Variants in GABRB1 observed in about 807,000 individuals in gnomAD.
The protein encoded by GABRB1 is gamma-aminobutyric acid type A receptor subunit beta1, also known as gamma-aminobutyric acid receptor subunit beta-1.
In GABRB1, 17 loss-of-function variants were observed where a neutral mutation model predicts 51.6. The ratio of observed to expected loss-of-function variants is 0.33; its 90% CI spans 0.23 to 0.49. GABRB1 has a LOEUF of 0.49. Among genes scored for constraint, GABRB1 ranks in the 20% least tolerant of loss-of-function variants. GABRB1 has a pLI of 0.99. For synonymous variants in GABRB1, 247 were observed against 218.9 expected (o/e 1.13, Z -1.14); for missense variants, 410 against 600.6 (o/e 0.68, Z 3.32).
intron 3 of GABRB1, among the ~76,000 whole-genome samples, chr4:47,084,393 C>T (rs1727982239): frequency 6.6e-6 from 1 of 152,164 alleles, no homozygotes. Flanking sequence ...TACCCTCAAA[C>T]CAGGATTGCT....
At chr4:47,055,917 G>A (rs140510255) in intron 3 of GABRB1, among the ~76,000 whole-genome samples, 273 of 152,312 alleles carry the variant, frequency 1.8e-3, no homozygotes, top group African/African-American at 6.2e-3. Flanking sequence ...CTTAGGGAAT[G>A]TTGGCTCTTA....
chr4:47,169,524 T>A (rs1346273086), intron 4 of GABRB1, among the ~76,000 whole-genome samples: 1 of 151,664 alleles, frequency 6.6e-6, no homozygotes, highest in Non-Finnish European at 1.5e-5. Flanking sequence ...TTTTTGAGAC[T>A]GAGTTTTGCT....
Position 47,384,709 on chromosome 4 carries a change from G to A in GABRB1, c.545-18609G>A, listed in dbSNP as rs1727725545. ...TAGTACATTTAAGTTAGCTAGATAA[G>A]TGCCTCTGTTTCTATTTTACTTGTC... is the stretch of plus-strand genomic sequence containing the variant. On this transcript the variant is annotated intron_variant, in intron 5 of 8. Transcript: ENST00000295454. 2.0e-5 allele frequency among the ~76,000 whole-genome samples: 3 copies of A among 152,274 alleles called. No homozygotes were observed. The South Asian group carries it at 6.2e-4, about 32-fold the overall frequency.
chr4:47,155,451 C>T (rs540953689), intron 3 of GABRB1, among the ~76,000 whole-genome samples: 1 of 152,120 alleles, frequency 6.6e-6, no homozygotes, highest in Non-Finnish European at 1.5e-5. Context: ...CATGTAATGC[C>T]TTTCTTGAGA....
intron 3 of GABRB1, among the ~76,000 whole-genome samples, chr4:47,070,850 C>T (rs1478338369): frequency 5.9e-5 from 9 of 152,146 alleles, no homozygotes; most frequent in Non-Finnish European, 1.2e-4. Context: ...GCTTTAAATA[C>T]CAACTTCACT....
At chr4:47,225,448 T>C (rs1466432997) in intron 4 of GABRB1, among the ~76,000 whole-genome samples, 2 of 152,180 alleles carry the variant, frequency 1.3e-5, no homozygotes, top group Non-Finnish European at 2.9e-5. Flanking sequence ...ATTAATTTTG[T>C]GTGATTTATT....
intron 4 of GABRB1, among the ~76,000 whole-genome samples, chr4:47,261,711 C>T (rs897227507): frequency 1.3e-5 from 2 of 151,916 alleles, no homozygotes; most frequent in African/African-American, 4.8e-5. Context: ...TCATATGGAA[C>T]CAAAAAAGAG....
In GABRB1 at chr4:47,283,356, CTTTTTTTTTTTTTTTTTTTTTTTTTTT is replaced by C. The variant is rs570311247; in HGVS notation, c.462-36750_462-36724del. Among the ~76,000 whole-genome samples the C allele has an allele frequency of 1.1e-3, 85 of 77,298 alleles. 2 individuals are homozygous for C. The highest frequency in any genetic ancestry group is 1.4e-3 in the Non-Finnish European group (57 of 41,720). The allele number at this position is 77,298 out of a possible 152,430, so 50.7% of individuals were successfully genotyped here. On this transcript the variant is annotated intron_variant, in intron 4 of 8. Transcript: ENST00000295454. ...GGCAATGTTCCATACCTGGTGGCCC[CTTTTTTTTTTTTTTTTTTTTTTTTTTT>C]TTTTTTTTTTTTTTTTTTTTGAGAC...
At chr4:47,351,605 T>C (rs1158924278) in intron 5 of GABRB1, among the ~76,000 whole-genome samples, 2 of 129,174 alleles carry the variant, frequency 1.5e-5, no homozygotes, top group East Asian at 4.9e-4. Flanking sequence ...TTCCCCTTCC[T>C]GTGTCCATGT....
intron 4 of GABRB1, among the ~76,000 whole-genome samples, chr4:47,286,966 A>C (rs766414593): frequency 2.6e-5 from 4 of 152,154 alleles, no homozygotes; most frequent in Non-Finnish European, 5.9e-5. Flanking sequence ...CAATAAATAC[A>C]AGTAAAACTC....
intron 4 of GABRB1, among the ~76,000 whole-genome samples, chr4:47,231,425 T>C (rs189962973): frequency 2.0e-4 from 30 of 152,294 alleles, no homozygotes; most frequent in Admixed American, 4.6e-4. Flanking sequence ...TAGTTTCCAA[T>C]GATCCTGAAA....
chr4:47,226,517 T>C (rs973969391), intron 4 of GABRB1, among the ~76,000 whole-genome samples: 2 of 152,122 alleles, frequency 1.3e-5, no homozygotes, highest in African/African-American at 2.4e-5. Flanking sequence ...ATCATCCCTG[T>C]TTTATTCTTA....
At chr4:47,191,951 T>C (rs985064397) in intron 4 of GABRB1, among the ~76,000 whole-genome samples, 19 of 152,078 alleles carry the variant, frequency 1.2e-4, no homozygotes, top group African/African-American at 4.3e-4. Context: ...GATTCACAAA[T>C]GGGAAAATCA....
chr4:47,240,781 G>T (rs1721491642), intron 4 of GABRB1, among the ~76,000 whole-genome samples: 1 of 152,166 alleles, frequency 6.6e-6, no homozygotes, highest in Non-Finnish European at 1.5e-5. Context: ...GATAGGATCT[G>T]GCCCTTCAAG....
chr4:47,399,013 A>G (rs949859711), intron 5 of GABRB1, among the ~76,000 whole-genome samples: 1 of 152,160 alleles, frequency 6.6e-6, no homozygotes, highest in Admixed American at 6.5e-5. Flanking sequence ...GATGGTCTCA[A>G]TCTCCTGACC....
At chr4:47,115,325 A>G (rs1400325472) in intron 3 of GABRB1, among the ~76,000 whole-genome samples, 1 of 152,170 alleles carries the variant, frequency 6.6e-6, no homozygotes, top group Non-Finnish European at 1.5e-5. Flanking sequence ...ACTTAAAAAA[A>G]TTTGGTTACT....
chr4:47,204,572 T>C (rs4694837), intron 4 of GABRB1, among the ~76,000 whole-genome samples: 128,691 of 152,002 alleles, frequency 0.85, 54,464 homozygotes, highest in Middle Eastern at 0.92. Flanking sequence ...TGAATTGTAA[T>C]TCCCACAATC....
chr4:47,092,610 T>C (rs75608639), intron 3 of GABRB1, among the ~76,000 whole-genome samples: 2 of 112,394 alleles, frequency 1.8e-5, no homozygotes, highest in Non-Finnish European at 3.5e-5. Flanking sequence ...AGTTTCTTTC[T>C]TTTTTTTTTT....
chr4:47,050,471 G>C (rs992646223), intron 3 of GABRB1, among the ~76,000 whole-genome samples: 6 of 152,110 alleles, frequency 3.9e-5, no homozygotes, highest in Non-Finnish European at 8.8e-5. Flanking sequence ...AGAGCTGCTT[G>C]TTAGAAGTTC....
Sources: gnomAD v4.1 joint callset for allele counts (sites outside exome capture counted in the v4.1 genomes callset) on GRCh38, gnomAD v4.1.1 for gene constraint, MANE v1.5 for transcripts, NCBI Gene and HGNC (gene_info 2026-07-23, HGNC 2026-07-21) for gene names.